Variants in CD109 observed in about 807,000 individuals in gnomAD.
CD109 encodes the protein CD109 molecule, also known as CD109 antigen.
A neutral mutation model predicts 165.8 loss-of-function variants in CD109; 149 were observed. The ratio of observed to expected loss-of-function variants is 0.90; its 90% CI spans 0.79 to 1.03. The LOEUF (loss-of-function observed/expected upper bound fraction) is 1.03, where lower values mean the gene tolerates loss of function less well. CD109 is among the 50% of genes least tolerant of loss of function. The probability of loss-of-function intolerance (pLI) is 0.00; values close to 1 mark genes in which losing one functional copy is unlikely to be tolerated. For missense variants in CD109, 1,712 were observed against 1,677.8 expected (o/e 1.02, Z -0.36); for synonymous variants, 585 against 592.1 (o/e 0.99, Z 0.18).
At chr6:73,767,434 C>A (rs939277665) in intron 13 of CD109, among the ~76,000 whole-genome samples, 1 of 152,152 alleles carries the variant, frequency 6.6e-6, no homozygotes, top group Non-Finnish European at 1.5e-5. Flanking sequence ...ATGTGCACCA[C>A]GTTTTCTTTA....
intron 30 of CD109, among the ~76,000 whole-genome samples, 196 bp from the exon 31 acceptor site, chr6:73,818,191 AT>A (rs1776001340): frequency 6.6e-6 from 1 of 152,174 alleles, no homozygotes; most frequent in Admixed American, 6.5e-5. Context: ...TATTCCTTAT[AT>A]GGTTAAAAGT....
intron 23 of CD109, among the ~76,000 whole-genome samples, chr6:73,798,110 GT>G (rs57382539): frequency 7.0e-5 from 10 of 142,500 alleles, no homozygotes; most frequent in African/African-American, 1.0e-4. Context: ...TCAGTGTCCT[GT>G]TTTTTTTTTT....
intron 21 of CD109, among the ~76,000 whole-genome samples, 175 bp from the exon 22 acceptor site, chr6:73,788,293 T>G (rs1774775443): frequency 6.6e-6 from 1 of 152,244 alleles, no homozygotes. Context: ...AATGTATTAC[T>G]TGTTTAAATA....
In CD109 at chr6:73,815,119, A is replaced by G. The variant is rs781042992; in HGVS notation, c.3907A>G (p.Thr1303Ala). 3 of 1,583,194 alleles carry G rather than the reference A, an allele frequency of 1.9e-6. No homozygotes were observed. Among genetic ancestry groups the G allele is most frequent in the South Asian group, 1.2e-5 (1 of 84,378 alleles). Residue 1303 changes from threonine (T) to alanine (A), a missense_variant, in exon 30 of 33, where the codon ACA (threonine) becomes GCA (alanine). Transcript: ENST00000287097. ...DLNHVDLNVCTSFSGPGRSGM... is the reference protein window; with the variant it reads ...DLNHVDLNVCASFSGPGRSGM... ...CAATCATGTGGATTTGAATGTGTGTACAAGGTAAGTGTCTGCTTAGGTCTC... is the reference window on the plus strand; with the variant it reads ...CAATCATGTGGATTTGAATGTGTGTGCAAGGTAAGTGTCTGCTTAGGTCTC...
rs1775883985 is a variant in CD109 at position 73,814,967 on chromosome 6, T to A, written c.3769-14T>A. 1 of 1,469,922 alleles carries A rather than the reference T, an allele frequency of 6.8e-7. No homozygotes were observed. The highest frequency in any genetic ancestry group is 1.5e-5 in the African/African-American group (1 of 67,754). The allele number at this position is 1,469,922 out of a possible 1,614,324, so 91.1% of individuals were successfully genotyped here. A position where few individuals can be genotyped will look rare whatever the true frequency, so the allele number is the denominator to read the frequency against. ...ATGTCCAACTTGTTATTTATGCTAG[T>A]TTATTTTTTACAGCTCAATGTTGTA... is the stretch of plus-strand genomic sequence containing the variant. On this transcript the variant is annotated splice_polypyrimidine_tract_variant and intron_variant, in intron 29 of 32. Transcript: ENST00000287097.
At chr6:73,762,964 T>C in intron 9 of CD109, 82 bp downstream of exon 9, 1 of 1,226,532 alleles carries the variant, frequency 8.2e-7, no homozygotes, top group Non-Finnish European at 1.1e-6. Context: ...GCACTTTCAT[T>C]TGGGAGCATC....
At chr6:73,715,904 C>T (rs1771726529) in intron 2 of CD109, among the ~76,000 whole-genome samples, 1 of 152,196 alleles carries the variant, frequency 6.6e-6, no homozygotes, top group South Asian at 2.1e-4. Flanking sequence ...TAACCATCCT[C>T]ACTTGCTCCC....
chr6:73,823,153 T>C (rs1038446110), intron 32 of CD109, among the ~76,000 whole-genome samples: 1 of 152,218 alleles, frequency 6.6e-6, no homozygotes, highest in Non-Finnish European at 1.5e-5. Context: ...AAATTCTCCC[T>C]GATGCAGTAA....
intron 3 of CD109, 66 bp downstream of exon 3, chr6:73,723,345 AT>A: frequency 8.6e-7 from 1 of 1,159,006 alleles, no homozygotes; most frequent in Non-Finnish European, 1.3e-6. Flanking sequence ...ATAAATTAAT[AT>A]TTTATTGGAT....
chr6:73,693,421 A>G (rs750154669), upstream of CD109, among the ~76,000 whole-genome samples: 6 of 152,230 alleles, frequency 3.9e-5, no homozygotes, highest in Non-Finnish European at 7.3e-5. Context: ...ATGAGGATCC[A>G]CCCACAGAAC....
intron 5 of CD109, among the ~76,000 whole-genome samples, chr6:73,738,869 G>A (rs1439158697): frequency 3.3e-5 from 5 of 152,116 alleles, no homozygotes; most frequent in East Asian, 1.9e-4. Flanking sequence ...CCTTATTCTC[G>A]CTACTTGCTT....
Position 73,820,693 on chromosome 6 carries a change from G to A in CD109, c.4162+130G>A, listed in dbSNP as rs567723403. 20 of 494,948 alleles carry A rather than the reference G, an allele frequency of 4.0e-5. No individual in the cohort carries two copies. The South Asian group carries it at 4.5e-4, about 11-fold the overall frequency. The allele number at this position is 494,948 out of a possible 1,614,324, so 30.7% of individuals were successfully genotyped here. A position where few individuals can be genotyped will look rare whatever the true frequency, so the allele number is the denominator to read the frequency against. On this transcript the variant is annotated intron_variant, in intron 32 of 32. Transcript: ENST00000287097. The stretch of plus-strand genomic sequence containing the variant: ...TTTGGTAGGAGAAAGTACAGGAGGC[G>A]GGGGGGCAGGAAGTGAGCATTCCAT...
chr6:73,763,867 A>AAGT (rs1200984555), intron 10 of CD109, among the ~76,000 whole-genome samples, 182 bp downstream of exon 10: 1 of 152,266 alleles, frequency 6.6e-6, no homozygotes, highest in African/African-American at 2.4e-5. Flanking sequence ...TTTTCTAAAA[A>AAGT]AGTAGTTTTC....
chr6:73,708,319 G>C (rs1771381044), intron 2 of CD109, among the ~76,000 whole-genome samples: 1 of 152,064 alleles, frequency 6.6e-6, no homozygotes, highest in Non-Finnish European at 1.5e-5. Flanking sequence ...CCCTACAAAG[G>C]ACATGAACTC....
chr6:73,800,720 CTT>C (rs1775332010), intron 23 of CD109, among the ~76,000 whole-genome samples: 1 of 151,994 alleles, frequency 6.6e-6, no homozygotes, highest in African/African-American at 2.4e-5. Flanking sequence ...ATATTTTTGT[CTT>C]TTGTGACTTA....
At chr6:73,759,679 TG>T (rs1213353029) in intron 7 of CD109, among the ~76,000 whole-genome samples, 3 of 152,212 alleles carry the variant, frequency 2.0e-5, no homozygotes, top group African/African-American at 7.2e-5. Context: ...AAATTATATT[TG>T]GATTTTAAAG....
chr6:73,752,957 A>G (rs762973606), intron 5 of CD109, among the ~76,000 whole-genome samples: 11 of 152,200 alleles, frequency 7.2e-5, no homozygotes, highest in Admixed American at 2.0e-4. Flanking sequence ...TTTTTGCTCC[A>G]TGTTTTTAGT....
chr6:73,702,554 G>A (rs1369765162), intron 2 of CD109, among the ~76,000 whole-genome samples: 4 of 152,134 alleles, frequency 2.6e-5, no homozygotes, highest in Admixed American at 6.5e-5. Context: ...TTCACACATC[G>A]TCTTTGTTCT....
chr6:73,778,265 GTTGT>G (rs1172736145), intron 15 of CD109, among the ~76,000 whole-genome samples: 1 of 152,184 alleles, frequency 6.6e-6, no homozygotes, highest in Non-Finnish European at 1.5e-5. Context: ...CTTTCCTGAA[GTTGT>G]TTATCGGTTT....
Sources: allele counts gnomAD v4.1 joint callset (sites outside exome capture counted in the v4.1 genomes callset), GRCh38; gene constraint gnomAD v4.1.1; transcripts MANE v1.5; gene names NCBI Gene and HGNC (gene_info 2026-07-23, HGNC 2026-07-21).